The following RABGAP1L variants were observed in gnomAD, a reference collection of about 807,000 sequenced individuals.
RABGAP1L encodes the protein RAB GTPase activating protein 1 like, also known as rab GTPase-activating protein 1-like.
In RABGAP1L, 63 loss-of-function variants were observed where a neutral mutation model predicts 137.7. The observed-to-expected ratio is 0.46, with a 90% CI of 0.37 to 0.56. RABGAP1L has a LOEUF of 0.56. Among genes scored for constraint, RABGAP1L ranks in the 20% least tolerant of loss-of-function variants. The pLI is 0.00. For synonymous variants in RABGAP1L, 431 were observed against 433.7 expected, an observed-to-expected ratio of 0.99 and a Z score of 0.08; for missense variants, 1,095 against 1,244.0, an observed-to-expected ratio of 0.88 and a Z score of 1.80.
At chr1:174,332,638 C>T (rs1472156656) in intron 11 of RABGAP1L, among the ~76,000 whole-genome samples, 1 of 152,110 alleles carries the variant, frequency 6.6e-6, no homozygotes, top group African/African-American at 2.4e-5. Context: ...TCAAGTGATT[C>T]ACCCTCCTCG....
intron 13 of RABGAP1L, among the ~76,000 whole-genome samples, chr1:174,633,779 G>A (rs1295238195): frequency 7.1e-6 from 1 of 141,248 alleles, no homozygotes; most frequent in East Asian, 2.0e-4. Flanking sequence ...AACAAGCAGT[G>A]GGGAAAGGAT....
At chr1:174,399,189 A>C (rs1443149874) in intron 13 of RABGAP1L, among the ~76,000 whole-genome samples, 2 of 152,182 alleles carry the variant, frequency 1.3e-5, no homozygotes, top group Non-Finnish European at 2.9e-5. Flanking sequence ...AGTAAAATGA[A>C]TAATGTCATT....
intron 13 of RABGAP1L, among the ~76,000 whole-genome samples, chr1:174,515,172 A>G (rs954412566): frequency 6.6e-6 from 1 of 152,156 alleles, no homozygotes; most frequent in Non-Finnish European, 1.5e-5. Context: ...ATTTACTCCA[A>G]CTGAAATTTT....
At position 174,552,300 on chromosome 1, in the gene RABGAP1L, T is replaced by C. The variant is rs114591444; in HGVS notation, c.1711-85075T>C. Among the ~76,000 whole-genome samples the C allele has an allele frequency of 1.3e-3, 200 of 152,246 alleles. 1 individual carries two copies. Among genetic ancestry groups the C allele is most frequent in the African/African-American group, 4.5e-3 (186 of 41,562 alleles). ...GCCTAGTATTCATTAGTTGTCTTTC[T>C]TGATTATCTCCCTCCTTCCACCCTC... On this transcript the variant is annotated intron_variant, in intron 13 of 25. Transcript: ENST00000681986.
intron 19 of RABGAP1L, among the ~76,000 whole-genome samples, chr1:174,920,737 T>C (rs1239940028): frequency 2.0e-5 from 3 of 152,094 alleles, no homozygotes; most frequent in African/African-American, 4.8e-5. Flanking sequence ...AGAGGAAATT[T>C]GGACACAGAC....
At chr1:174,283,289 C>T (rs1675739584) in intron 10 of RABGAP1L, among the ~76,000 whole-genome samples, 1 of 151,706 alleles carries the variant, frequency 6.6e-6, no homozygotes, top group Non-Finnish European at 1.5e-5. Context: ...ACCTGTGGTC[C>T]CAGCTTCTCA....
intron 17 of RABGAP1L, among the ~76,000 whole-genome samples, chr1:174,709,585 CCTGA>C (rs1309706589): frequency 6.6e-6 from 1 of 152,082 alleles, no homozygotes; most frequent in Admixed American, 6.5e-5. Context: ...CAAAAAGGGC[CCTGA>C]CTATTAGAAG....
At chr1:174,977,268 C>T (rs1395835326) in intron 22 of RABGAP1L, among the ~76,000 whole-genome samples, 1 of 152,170 alleles carries the variant, frequency 6.6e-6, no homozygotes, top group South Asian at 2.1e-4. Context: ...GCATTTACAG[C>T]GGCCCAGGAT....
At chr1:174,354,215 T>G (rs1296999699) in intron 11 of RABGAP1L, among the ~76,000 whole-genome samples, 4 of 151,954 alleles carry the variant, frequency 2.6e-5, no homozygotes, top group African/African-American at 9.7e-5. Context: ...ATGGGTTCTT[T>G]CTTCTCTTCC....
chr1:174,646,031 C>T (rs1346346489), intron 14 of RABGAP1L, among the ~76,000 whole-genome samples: 1 of 152,020 alleles, frequency 6.6e-6, no homozygotes, highest in Admixed American at 6.5e-5. Context: ...TGTTCATATC[C>T]TTTGCCCACT....
intron 14 of RABGAP1L, among the ~76,000 whole-genome samples, chr1:174,645,252 T>G (rs1403555304): frequency 6.6e-6 from 1 of 152,120 alleles, no homozygotes; most frequent in Non-Finnish European, 1.5e-5. Context: ...ATCTTTTCAA[T>G]TATACTTTAA....
intron 18 of RABGAP1L, among the ~76,000 whole-genome samples, chr1:174,802,178 A>G (rs1250672410): frequency 1.3e-5 from 2 of 152,178 alleles, no homozygotes; most frequent in African/African-American, 4.8e-5. Context: ...ATATCTGTGT[A>G]TTGCAATTGT....
At chr1:174,356,824 A>G (rs1420312892) in intron 11 of RABGAP1L, among the ~76,000 whole-genome samples, 2 of 152,188 alleles carry the variant, frequency 1.3e-5, no homozygotes, top group Non-Finnish European at 2.9e-5. Flanking sequence ...AGACTCAATA[A>G]CAATAATAGT....
chr1:174,861,407 G>T (rs1009818458), intron 19 of RABGAP1L, among the ~76,000 whole-genome samples: 9 of 151,974 alleles, frequency 5.9e-5, no homozygotes, highest in African/African-American at 2.2e-4. Flanking sequence ...GAATAATTCT[G>T]CAGCGAATGT....
chr1:174,536,243 T>A (rs773796050), intron 13 of RABGAP1L, among the ~76,000 whole-genome samples: 3 of 152,158 alleles, frequency 2.0e-5, no homozygotes. Context: ...TGGCTTTTTT[T>A]AAGTGTATAT....
intron 13 of RABGAP1L, among the ~76,000 whole-genome samples, chr1:174,421,225 A>T (rs1467545147): frequency 1.3e-5 from 2 of 152,164 alleles, no homozygotes; most frequent in Admixed American, 6.6e-5. Flanking sequence ...GAAAGAGCAT[A>T]GGCTTATGTT....
At chr1:174,175,099 A>T (rs943432487) in intron 1 of RABGAP1L, among the ~76,000 whole-genome samples, 1 of 152,134 alleles carries the variant, frequency 6.6e-6, no homozygotes, top group Non-Finnish European at 1.5e-5. Flanking sequence ...TTTTTTCAGC[A>T]TGATTGATTT....
chr1:174,587,243 TG>T (rs1027598177), intron 13 of RABGAP1L, among the ~76,000 whole-genome samples: 2 of 137,036 alleles, frequency 1.5e-5, no homozygotes, highest in Non-Finnish European at 3.0e-5. Flanking sequence ...GCATGATTTA[TG>T]GTCCTTTGGG....
chr1:174,273,861 A>G (rs1452762064), intron 8 of RABGAP1L, among the ~76,000 whole-genome samples: 8 of 152,104 alleles, frequency 5.3e-5, no homozygotes, highest in African/African-American at 1.2e-4. Context: ...TTGAGTCCAT[A>G]TCTAAATCAA....
Sources: allele counts gnomAD v4.1 joint callset (sites outside exome capture counted in the v4.1 genomes callset), GRCh38; gene constraint gnomAD v4.1.1; transcripts MANE v1.5; gene names NCBI Gene and HGNC (gene_info 2026-07-23, HGNC 2026-07-21).